The following EBF1 variants were observed in gnomAD, a reference collection of about 807,000 sequenced individuals.
The protein encoded by EBF1 is transcription factor COE1.
In EBF1, 10 loss-of-function variants were observed where a neutral mutation model predicts 68.4. The observed-to-expected ratio is 0.15, with a 90% confidence interval of 0.09 to 0.25. The LOEUF (loss-of-function observed/expected upper bound fraction) is 0.25, where lower values mean the gene tolerates loss of function less well. EBF1 is among the 10% of genes least tolerant of loss of function. EBF1 has a pLI of 1.00. For synonymous variants in EBF1, 298 were observed against 299.8 expected, an observed-to-expected ratio of 0.99 and a Z score of 0.06; for missense variants, 509 against 794.4, an observed-to-expected ratio of 0.64 and a Z score of 4.32.
chr5:159,055,984 C>T (rs191048436), intron 6 of EBF1, among the ~76,000 whole-genome samples: 2 of 152,300 alleles, frequency 1.3e-5, no homozygotes, highest in East Asian at 3.9e-4. Context: ...AGCTGCTTGT[C>T]CTCACCACCT....
chr5:158,845,747 T>G (rs943296809), intron 6 of EBF1, among the ~76,000 whole-genome samples: 1 of 141,528 alleles, frequency 7.1e-6, no homozygotes, highest in African/African-American at 2.6e-5. Context: ...CAAAGAAAGA[T>G]AATAATGACT....
At chr5:158,814,126 G>A (rs1171863348) in intron 8 of EBF1, among the ~76,000 whole-genome samples, 1 of 152,152 alleles carries the variant, frequency 6.6e-6, no homozygotes, top group Non-Finnish European at 1.5e-5. Flanking sequence ...GGATGTAATT[G>A]CTTAAGCCCG....
At chr5:158,872,612 C>T (rs954521243) in intron 6 of EBF1, among the ~76,000 whole-genome samples, 8 of 152,202 alleles carry the variant, frequency 5.3e-5, no homozygotes, top group African/African-American at 1.9e-4. Flanking sequence ...TCACTCTTGT[C>T]AAGTGAACTG....
rs192534594 is a variant in EBF1 at position 158,698,491 on chromosome 5, A to C, written c.*620T>G. On this transcript the variant is annotated 3_prime_UTR_variant, in exon 16 of 16. Transcript: ENST00000313708. ...GACAACAATACAAAAGAGATAAATA[A>C]GCTTGCACTGCTAAGGGGTGGCATG... is the stretch of plus-strand genomic sequence containing the variant. 674 of 219,710 alleles carry C rather than the reference A, an allele frequency of 3.1e-3. 4 individuals are homozygous for C. The highest frequency in any genetic ancestry group is 0.014 in the African/African-American group (624 of 44,604). 13.6% of individuals were successfully genotyped at this position (219,710 alleles called of 1,614,324 possible). A position where few individuals can be genotyped will look rare whatever the true frequency, so the allele number is the denominator to read the frequency against.
chr5:158,712,066 G>A (rs1759475395), intron 14 of EBF1, 88 bp downstream of exon 14: 7 of 1,501,902 alleles, frequency 4.7e-6, no homozygotes, highest in South Asian at 1.3e-5. Context: ...GCCTCAGACC[G>A]AGAAGCCCTG....
chr5:158,962,061 A>G (rs923115392), intron 6 of EBF1, among the ~76,000 whole-genome samples: 4 of 152,150 alleles, frequency 2.6e-5, no homozygotes, highest in South Asian at 2.1e-4. Context: ...AAGGTTACCA[A>G]TTGTCACAGA....
chr5:158,740,278 T>TGA (rs1766051152), intron 10 of EBF1, among the ~76,000 whole-genome samples: 1 of 152,164 alleles, frequency 6.6e-6, no homozygotes. Context: ...AATCCTTCCC[T>TGA]GAGCCTTGTG....
intron 10 of EBF1, among the ~76,000 whole-genome samples, chr5:158,748,260 G>A (rs1309508647): frequency 6.6e-6 from 1 of 152,098 alleles, no homozygotes; most frequent in Non-Finnish European, 1.5e-5. Context: ...AAAAACATGG[G>A]AAATGACACA....
chr5:158,760,714 G>A (rs1466556871), intron 10 of EBF1, among the ~76,000 whole-genome samples: 2 of 152,080 alleles, frequency 1.3e-5, no homozygotes, highest in African/African-American at 4.8e-5. Flanking sequence ...GTAAAGGACT[G>A]GATCAATACT....
At chr5:159,003,460 GAAA>G (rs11428979) in intron 6 of EBF1, among the ~76,000 whole-genome samples, 1 of 143,798 alleles carries the variant, frequency 7.0e-6, no homozygotes, top group Non-Finnish European at 1.5e-5. Flanking sequence ...ACAACTGCAG[GAAA>G]AAAAAAAAAA....
chr5:158,943,416 C>A (rs1009642326), intron 6 of EBF1, among the ~76,000 whole-genome samples: 3 of 152,058 alleles, frequency 2.0e-5, no homozygotes, highest in African/African-American at 7.3e-5. Context: ...AGCAGTGCTC[C>A]TTTGGATCTT....
chr5:159,009,857 A>T (rs946584708), intron 6 of EBF1, among the ~76,000 whole-genome samples: 2 of 152,128 alleles, frequency 1.3e-5, no homozygotes, highest in Non-Finnish European at 2.9e-5. Context: ...CATGCAAAAG[A>T]AACGTGGAAA....
chr5:159,013,874 TC>T (rs890800003), intron 6 of EBF1, among the ~76,000 whole-genome samples: 4 of 152,196 alleles, frequency 2.6e-5, no homozygotes, highest in African/African-American at 9.6e-5. Context: ...AAAGAAGAGT[TC>T]CAACTTCTGG....
intron 6 of EBF1, among the ~76,000 whole-genome samples, chr5:159,053,927 T>C (rs1774282128): frequency 6.6e-6 from 1 of 152,240 alleles, no homozygotes; most frequent in Non-Finnish European, 1.5e-5. Flanking sequence ...GGACCTCGCC[T>C]TAGGGCACTT....
intron 6 of EBF1, among the ~76,000 whole-genome samples, chr5:158,913,364 G>A (rs1806434920): frequency 6.6e-6 from 1 of 152,202 alleles, no homozygotes; most frequent in South Asian, 2.1e-4. Flanking sequence ...GAACTAAGTG[G>A]AGGAAAAGAC....
chr5:158,894,830 G>T (rs1188303441), intron 6 of EBF1, among the ~76,000 whole-genome samples: 1 of 152,130 alleles, frequency 6.6e-6, no homozygotes, highest in Non-Finnish European at 1.5e-5. Flanking sequence ...GCACAGAAAA[G>T]CTTTATAAAG....
chr5:158,823,745 A>C (rs926745383), intron 7 of EBF1, among the ~76,000 whole-genome samples: 8 of 152,170 alleles, frequency 5.3e-5, no homozygotes, highest in African/African-American at 1.4e-4. Flanking sequence ...GGTTAAGAGG[A>C]TAGAGAAATG....
intron 6 of EBF1, among the ~76,000 whole-genome samples, chr5:158,858,087 A>G (rs1208963950): frequency 6.6e-5 from 10 of 152,194 alleles, no homozygotes; most frequent in Admixed American, 6.5e-4. Flanking sequence ...AAGGTCTGTC[A>G]TAGTTCACAC....
chr5:159,005,927 C>T (rs192263988), intron 6 of EBF1, among the ~76,000 whole-genome samples: 1 of 152,294 alleles, frequency 6.6e-6, no homozygotes, highest in Admixed American at 6.5e-5. Flanking sequence ...CATAAAAAAT[C>T]AGTTCACCTA....
Sources: allele counts gnomAD v4.1 joint callset (sites outside exome capture counted in the v4.1 genomes callset), GRCh38; gene constraint gnomAD v4.1.1; transcripts MANE v1.5; gene names NCBI Gene and HGNC (gene_info 2026-07-23, HGNC 2026-07-21).